Variants in TAF2 observed in about 807,000 individuals in gnomAD.
TAF2 encodes TATA-box binding protein associated factor 2.
A neutral mutation model predicts 138.5 loss-of-function variants in TAF2; 61 were observed. The ratio of observed to expected loss-of-function variants is 0.44; its 90% CI spans 0.36 to 0.54. The LOEUF (loss-of-function observed/expected upper bound fraction) is 0.54, where lower values mean the gene tolerates loss of function less well. Among genes scored for constraint, TAF2 ranks in the 20% least tolerant of loss-of-function variants. The pLI is 0.00. For missense variants in TAF2, 1,090 were observed against 1,427.9 expected (o/e 0.76, Z 3.81); for synonymous variants, 475 against 469.9 (o/e 1.01, Z -0.14).
intron 12 of TAF2, 22 bp downstream of exon 12, chr8:119,789,570 G>T (rs769524416): frequency 6.2e-7 from 1 of 1,611,984 alleles, no homozygotes; most frequent in South Asian, 1.1e-5. Context: ...CCACTCTGTT[G>T]AACTGCTATT....
At chr8:119,748,812 C>T (rs976802332) in intron 22 of TAF2, among the ~76,000 whole-genome samples, 1 of 151,740 alleles carries the variant, frequency 6.6e-6, no homozygotes, top group Non-Finnish European at 1.5e-5. Flanking sequence ...GAAGAAATGC[C>T]AGGAGTGAGC....
intron 11 of TAF2, among the ~76,000 whole-genome samples, chr8:119,790,953 T>G (rs1240556474): frequency 1.3e-5 from 2 of 150,916 alleles, no homozygotes; most frequent in East Asian, 3.9e-4. Flanking sequence ...CATGCCACTA[T>G]GCCTGACTTA....
At chr8:119,829,858 T>C (rs1317454385) in intron 2 of TAF2, among the ~76,000 whole-genome samples, 11 of 150,680 alleles carry the variant, frequency 7.3e-5, no homozygotes, top group Admixed American at 2.6e-4. Flanking sequence ...ATTCTTTTTT[T>C]AGTTTTTTTT....
chr8:119,783,676 T>A (rs1563872612), intron 15 of TAF2, 43 bp from the exon 16 acceptor site: 1 of 1,560,752 alleles, frequency 6.4e-7, no homozygotes, highest in Admixed American at 1.8e-5. Context: ...ATTTTTAAAC[T>A]TATCATCTAT....
chr8:119,787,593 A>G (rs1287757267), intron 14 of TAF2, among the ~76,000 whole-genome samples: 2 of 152,194 alleles, frequency 1.3e-5, no homozygotes, highest in Non-Finnish European at 2.9e-5. Flanking sequence ...GAAACAACAC[A>G]TGCTGGAGAG....
chr8:119,768,998 G>T (rs1346926041), intron 18 of TAF2, among the ~76,000 whole-genome samples: 1 of 152,182 alleles, frequency 6.6e-6, no homozygotes, highest in Non-Finnish European at 1.5e-5. Context: ...TCACATTTCT[G>T]CCTGTCTAAG....
At chr8:119,793,883 G>A (rs1275647008) in intron 9 of TAF2, among the ~76,000 whole-genome samples, 1 of 144,618 alleles carries the variant, frequency 6.9e-6, no homozygotes, top group South Asian at 2.2e-4. Context: ...TTTAAAAAGG[G>A]GGATTTTTTT....
Position 119,783,416 on chromosome 8 carries a change from T to C in TAF2, c.2077A>G (p.Arg693Gly), listed in dbSNP as rs1822809016. ...DILEQEQCFY[R>G]VRMSACFCLA... ...CAGAAGCAAGCTGACATTCTTACTCTGTAGAAACACTGCTCTTGTTCTAAT... is the reference window on the plus strand; with the variant it reads ...CAGAAGCAAGCTGACATTCTTACTCCGTAGAAACACTGCTCTTGTTCTAAT... The change falls in exon 16 of 26, where the codon AGA (arginine) becomes GGA (glycine). Residue 693 changes from arginine to glycine, a missense_variant. Transcript: ENST00000378164. 1 of 1,614,148 alleles carries C rather than the reference T, an allele frequency of 6.2e-7. No individual in the cohort carries two copies. The highest frequency in any genetic ancestry group is 8.5e-7 in the Non-Finnish European group (1 of 1,180,008).
At chr8:119,773,017 G>A (rs912674310) in intron 18 of TAF2, among the ~76,000 whole-genome samples, 1 of 148,788 alleles carries the variant, frequency 6.7e-6, no homozygotes, top group African/African-American at 2.5e-5. Flanking sequence ...ATGGTACCAA[G>A]AATGTACTAA....
intron 6 of TAF2, among the ~76,000 whole-genome samples, chr8:119,801,521 T>C (rs1321713172): frequency 6.6e-6 from 1 of 151,386 alleles, no homozygotes; most frequent in Non-Finnish European, 1.5e-5. Context: ...CTCTGCCTCC[T>C]GGGTTCAAGC....
At chr8:119,831,135 G>A (rs982032095) in intron 2 of TAF2, among the ~76,000 whole-genome samples, 1 of 152,038 alleles carries the variant, frequency 6.6e-6, no homozygotes, top group African/African-American at 2.4e-5. Flanking sequence ...CAAAAAACTT[G>A]AATGTTCAAG....
rs765059944 is a variant in TAF2 at position 119,803,894 on chromosome 8, A to G, written c.544T>C (p.Tyr182His). The G allele has an allele frequency of 6.2e-7, 1 of 1,613,436 alleles. No homozygotes were observed. The highest frequency in any genetic ancestry group is 2.2e-5 in the East Asian group (1 of 44,848). Reference sequence around the variant, plus strand: ...ATAATCTACCTTGTAGAATTTTGATACCCACAAGAGAAAACATGAGCACCT... The same window carrying G: ...ATAATCTACCTTGTAGAATTTTGATGCCCACAAGAGAAAACATGAGCACCT... Reference protein sequence around the residue: ...ERGAHVFSCGYQNSTRFWFPC... With the variant: ...ERGAHVFSCGHQNSTRFWFPC... Residue 182 changes from tyrosine (Y) to histidine (H), a missense_variant, in exon 5 of 26, where the codon TAT (tyrosine) becomes CAT (histidine). Tyr to His is a moderately conservative substitution (Grantham distance 83). Coordinates refer to ENST00000378164, the MANE Select transcript of TAF2 (RefSeq NM_003184.4).
chr8:119,791,815 T>C lies in TAF2; in HGVS notation c.1278-356A>G, dbSNP rs191996426. 1,231 of 158,646 alleles carry C rather than the reference T, an allele frequency of 7.8e-3. 8 individuals are homozygous for C. Among genetic ancestry groups the C allele is most frequent in the Admixed American group, 0.012 (190 of 15,798 alleles). The allele number at this position is 158,646 out of a possible 1,614,324, so 9.8% of individuals were successfully genotyped here. A position where few individuals can be genotyped will look rare whatever the true frequency, so the allele number is the denominator to read the frequency against. ...AAATATATTAAAGATTGATTATATA[T>C]GTAAAACAAAAACCATTATAAAAGT... On this transcript the variant is annotated intron_variant, in intron 10 of 25. Transcript: ENST00000378164.
chr8:119,774,158 G>C (rs922978177), intron 18 of TAF2, among the ~76,000 whole-genome samples: 2 of 150,894 alleles, frequency 1.3e-5, no homozygotes, highest in Non-Finnish European at 2.9e-5. Context: ...GGGACAGAGC[G>C]AGACTCCATC....
intron 10 of TAF2, among the ~76,000 whole-genome samples, chr8:119,792,029 T>G (rs1055172999): frequency 6.6e-6 from 1 of 152,128 alleles, no homozygotes; most frequent in Non-Finnish European, 1.5e-5. Context: ...ATTTACGACA[T>G]ACATGAACAT....
chr8:119,740,986 C>T (rs1819570410), intron 25 of TAF2, among the ~76,000 whole-genome samples: 1 of 152,178 alleles, frequency 6.6e-6, no homozygotes, highest in South Asian at 2.1e-4. Flanking sequence ...GGACCCGACA[C>T]TAATAGCAGC....
chr8:119,788,522 A>C, intron 13 of TAF2, 75 bp from the exon 14 acceptor site: 2 of 1,218,876 alleles, frequency 1.6e-6, no homozygotes, highest in Admixed American at 1.7e-5. Context: ...TGTACAGAGA[A>C]ATATAAATCA....
chr8:119,777,752 A>ATGTAG (rs1331267927), intron 18 of TAF2, among the ~76,000 whole-genome samples: 1 of 152,184 alleles, frequency 6.6e-6, no homozygotes, highest in East Asian at 1.9e-4. Context: ...CCCAAATCTG[A>ATGTAG]TGTACTACTC....
chr8:119,794,534 T>C (rs1823683085), intron 9 of TAF2, among the ~76,000 whole-genome samples: 2 of 152,176 alleles, frequency 1.3e-5, no homozygotes, highest in Non-Finnish European at 2.9e-5. Context: ...CAAGCTGGAA[T>C]CCTGGGCCTA....
Sources: allele counts gnomAD v4.1 joint callset (sites outside exome capture counted in the v4.1 genomes callset), GRCh38; gene constraint gnomAD v4.1.1; transcripts MANE v1.5; gene names NCBI Gene and HGNC (gene_info 2026-07-23, HGNC 2026-07-21).